Variants in FRMD3 observed in about 807,000 individuals in gnomAD.
The protein encoded by FRMD3 is FERM domain containing 3.
FRMD3 carries 33 observed loss-of-function variants against 70.2 expected under a neutral mutation model. That is an observed-to-expected ratio of 0.47 (90% CI 0.36 to 0.63). The LOEUF (loss-of-function observed/expected upper bound fraction) is 0.63. Among genes scored for constraint, FRMD3 ranks in the 20% least tolerant of loss-of-function variants. FRMD3 has a pLI of 0.00. For synonymous variants in FRMD3, 279 were observed against 255.9 expected (o/e 1.09, Z -0.86); for missense variants, 632 against 711.4 (o/e 0.89, Z 1.27).
At chr9:83,298,659 T>C in intron 12 of FRMD3, 89 bp downstream of exon 12, 1 of 960,004 alleles carries the variant, frequency 1.0e-6, no homozygotes. Context: ...TCTTTAATGC[T>C]GTATGTCACT....
At chr9:83,554,489 G>T in the FRMD3 span, among the ~76,000 whole-genome samples, 2 of 152,236 alleles carry the variant, frequency 1.3e-5, no homozygotes, top group African/African-American at 4.8e-5. Context: ...GCTCAATGCA[G>T]TCAGCACAAA....
upstream of FRMD3, among the ~76,000 whole-genome samples, chr9:83,541,411 C>T (rs1357500875): frequency 6.6e-6 from 1 of 152,210 alleles, no homozygotes; most frequent in Non-Finnish European, 1.5e-5. Context: ...TTCCCTGGTA[C>T]ATGTACAGGA....
At chr9:83,484,469 G>GT (rs1828640280) in intron 1 of FRMD3, among the ~76,000 whole-genome samples, 1 of 152,168 alleles carries the variant, frequency 6.6e-6, no homozygotes, top group Non-Finnish European at 1.5e-5. Context: ...CCAGGCTGGA[G>GT]TGCAGTGGCA....
intron 8 of FRMD3, among the ~76,000 whole-genome samples, chr9:83,311,324 CGGCATTTAAGTTAATA>C (rs1835346867): frequency 6.6e-6 from 1 of 151,972 alleles, no homozygotes; most frequent in African/African-American, 2.4e-5. Flanking sequence ...AAATCCTTCC[CGGCATTTAAGTTAATA>C]GGCAGTTAAG....
intron 1 of FRMD3, among the ~76,000 whole-genome samples, chr9:83,433,199 T>G (rs964552098): frequency 6.6e-6 from 1 of 152,192 alleles, no homozygotes. Flanking sequence ...TTAAAATGTT[T>G]CCTTATTATA....
chr9:83,523,415 C>G (rs557544185), intron 1 of FRMD3, among the ~76,000 whole-genome samples: 2 of 152,280 alleles, frequency 1.3e-5, no homozygotes, highest in African/African-American at 4.8e-5. Flanking sequence ...CTCTATCTCT[C>G]TCTGCATTTC....
intron 5 of FRMD3, among the ~76,000 whole-genome samples, chr9:83,342,043 ATCTCTCTCTC>A (rs112748690): frequency 7.2e-6 from 1 of 139,650 alleles, no homozygotes; most frequent in Non-Finnish European, 1.5e-5. Flanking sequence ...TGACATAGTC[ATCTCTCTCTC>A]TCTCTCTCTC....
chr9:83,431,014 T>C (rs552730636), intron 1 of FRMD3, among the ~76,000 whole-genome samples: 3 of 152,338 alleles, frequency 2.0e-5, no homozygotes, highest in African/African-American at 4.8e-5. Flanking sequence ...TGTAATTCCG[T>C]GGTATTAGAG....
intron 1 of FRMD3, among the ~76,000 whole-genome samples, chr9:83,454,550 A>G (rs544877730): frequency 6.6e-6 from 1 of 152,350 alleles, no homozygotes; most frequent in South Asian, 2.1e-4. Context: ...TGTATTCTGG[A>G]GTACAGGTAG....
the FRMD3 span, among the ~76,000 whole-genome samples, chr9:83,566,093 C>G: frequency 5.3e-5 from 8 of 152,226 alleles, no homozygotes; most frequent in African/African-American, 1.9e-4. Context: ...AGAGACATAC[C>G]CGAGACTGAG....
At position 83,316,161 on chromosome 9, in the gene FRMD3, C is replaced by CTTT. The variant is rs34851421; in HGVS notation, c.597-2417_597-2415dup. Among the ~76,000 whole-genome samples the CTTT allele has an allele frequency of 4.0e-3, 449 of 112,608 alleles. 9 individuals are homozygous for CTTT. The highest frequency in any genetic ancestry group is 0.02 in the Middle Eastern group (4 of 196). The allele number at this position is 112,608 out of a possible 152,430, so 73.9% of individuals were successfully genotyped here. On this transcript the variant is annotated intron_variant, in intron 6 of 13. Transcript: ENST00000304195. ...ATTCTTTTTTCTCTTTTTTTTTTTT[C>CTTT]TTTTTTTTTTTTTTTGAGACAGAGT...
chr9:83,320,912 TG>T (rs1440719465), intron 6 of FRMD3, among the ~76,000 whole-genome samples: 2 of 152,196 alleles, frequency 1.3e-5, no homozygotes, highest in Admixed American at 1.3e-4. Flanking sequence ...TATTTCTTCC[TG>T]GTTCAATCTT....
chr9:83,406,027 T>G (rs1192666678), intron 1 of FRMD3, among the ~76,000 whole-genome samples: 1 of 152,126 alleles, frequency 6.6e-6, no homozygotes, highest in Non-Finnish European at 1.5e-5. Context: ...CATTCTCCCT[T>G]CCTACTGCCC....
chr9:83,485,907 C>CA (rs1217715209), intron 1 of FRMD3, among the ~76,000 whole-genome samples: 1 of 151,082 alleles, frequency 6.6e-6, no homozygotes, highest in Non-Finnish European at 1.5e-5. Flanking sequence ...TAAAAACCTT[C>CA]AAAAAAATTT....
At chr9:83,330,338 C>CA (rs61623701) in intron 6 of FRMD3, among the ~76,000 whole-genome samples, 40,120 of 145,936 alleles carry the variant, frequency 0.27, 5,643 homozygotes, top group Admixed American at 0.33. Flanking sequence ...AAAAAAAAAA[C>CA]AAAAAAAACA....
chr9:83,585,532 C>G, the FRMD3 span, among the ~76,000 whole-genome samples: 1 of 152,150 alleles, frequency 6.6e-6, no homozygotes, highest in Non-Finnish European at 1.5e-5. Context: ...GGAGTGTAAG[C>G]AGCATTGAGC....
chr9:83,309,301 C>CAT (rs1190343637), intron 10 of FRMD3, among the ~76,000 whole-genome samples: 1 of 144,348 alleles, frequency 6.9e-6, no homozygotes, highest in African/African-American at 2.5e-5. Flanking sequence ...CACACACACA[C>CAT]ACAGTGGCCC....
chr9:83,286,268 G>T (rs969874228), intron 13 of FRMD3, among the ~76,000 whole-genome samples: 1 of 152,116 alleles, frequency 6.6e-6, no homozygotes, highest in East Asian at 1.9e-4. Context: ...CACAGAAATA[G>T]AGATTCCATA....
In FRMD3 at chr9:83,404,371, C is replaced by CT. The variant is rs879455912; in HGVS notation, c.148-14664dup. Among the ~76,000 whole-genome samples, 34 of 152,106 alleles carry CT rather than the reference C, an allele frequency of 2.2e-4. No individual in the cohort carries two copies. In the East Asian group the frequency reaches 3.5e-3, roughly 16 times the overall value. ...GCTTTCTTCTTTAAGCATCCTCTGC[C>CT]TTTTTTTTAACTCTTTGAGGCAGAC... On this transcript the variant is annotated intron_variant, in intron 1 of 13. Coordinates refer to ENST00000304195, the MANE Select transcript of FRMD3 (RefSeq NM_174938.6).
Sources: gnomAD v4.1 joint callset for allele counts (sites outside exome capture counted in the v4.1 genomes callset) on GRCh38, gnomAD v4.1.1 for gene constraint, MANE v1.5 for transcripts, NCBI Gene and HGNC (gene_info 2026-07-23, HGNC 2026-07-21) for gene names.